Variants in PLCB4 observed in about 807,000 individuals in gnomAD.
PLCB4 encodes the protein 1-phosphatidylinositol 4,5-bisphosphate phosphodiesterase beta-4.
Under a neutral mutation model 178.8 loss-of-function variants are expected in PLCB4, and 77 were observed. That is an observed-to-expected ratio of 0.43 (90% CI 0.36 to 0.52). PLCB4 has a LOEUF of 0.52. PLCB4 is among the 20% of genes least tolerant of loss of function. The probability of loss-of-function intolerance (pLI) is 0.00; values close to 1 mark genes in which losing one functional copy is unlikely to be tolerated. For missense variants in PLCB4, 1,024 were observed against 1,453.4 expected, an observed-to-expected ratio of 0.70 and a Z score of 4.80; for synonymous variants, 496 against 490.8, an observed-to-expected ratio of 1.01 and a Z score of -0.14.
In PLCB4 at chr20:9,211,228, G is replaced by A. The variant is rs1251567961; in HGVS notation, c.-78-6162G>A. On this transcript the variant is annotated intron_variant, in intron 2 of 39. Transcript: ENST00000378473. ...ACTCTGACCCTGACTTCTAAGATGA[G>A]TCCTAACACCGCCTGCATTTTACAG... is the stretch of plus-strand genomic sequence containing the variant. Among the ~76,000 whole-genome samples the A allele has an allele frequency of 2.6e-5, 4 of 152,282 alleles. 1 individual carries two copies. The highest frequency in any genetic ancestry group is 2.4e-5 in the African/African-American group (1 of 41,570).
chr20:9,462,123 G>C (rs1053164054), intron 35 of PLCB4, among the ~76,000 whole-genome samples: 1 of 152,112 alleles, frequency 6.6e-6, no homozygotes, highest in African/African-American at 2.4e-5. Context: ...AGGCAAACAG[G>C]GTCTGGAGTG....
chr20:9,141,115 T>A (rs1036598989), intron 2 of PLCB4, among the ~76,000 whole-genome samples: 2 of 152,146 alleles, frequency 1.3e-5, no homozygotes, highest in East Asian at 3.9e-4. Context: ...AGTGCCTGAT[T>A]AAAAGCCAAC....
chr20:9,376,187 A>T lies in PLCB4; in HGVS notation c.744+3083A>T, dbSNP rs993267537. On this transcript the variant is annotated intron_variant, in intron 12 of 39. Coordinates refer to ENST00000378473, the MANE Select transcript of PLCB4 (RefSeq NM_001377142.1). ...TTCGTTGCTCCCCAAAGTGTGATCC[A>T]TGGACCAGCAGCATCGGCACCCCTT... Among the ~76,000 whole-genome samples the T allele has an allele frequency of 3.9e-5, 6 of 152,168 alleles. No homozygotes were observed. In the East Asian group the frequency reaches 9.7e-4, roughly 25 times the overall value.
chr20:9,461,839 C>A (rs2043417235), intron 35 of PLCB4, among the ~76,000 whole-genome samples: 1 of 152,218 alleles, frequency 6.6e-6, no homozygotes, highest in South Asian at 2.1e-4. Flanking sequence ...CATAGCTGAA[C>A]AAAAGGCAGC....
At chr20:9,372,492 T>C (rs2036338200) in intron 11 of PLCB4, 89 bp downstream of exon 11, 1 of 635,514 alleles carries the variant, frequency 1.6e-6, no homozygotes, top group Admixed American at 2.9e-5. Flanking sequence ...TTTAATAGAG[T>C]ATGTTGGTAG....
At chr20:9,466,289 A>G (rs551212829) in intron 35 of PLCB4, among the ~76,000 whole-genome samples, 18 of 152,352 alleles carry the variant, frequency 1.2e-4, no homozygotes, top group African/African-American at 3.8e-4. Context: ...TTAATTCAAG[A>G]TGGATTAAAG....
intron 2 of PLCB4, among the ~76,000 whole-genome samples, chr20:9,127,151 G>T (rs1232172579): frequency 6.6e-6 from 1 of 152,096 alleles, no homozygotes; most frequent in East Asian, 1.9e-4. Context: ...TAGAAGGGCG[G>T]TGTTAAAGCA....
intron 35 of PLCB4, among the ~76,000 whole-genome samples, chr20:9,465,555 C>T (rs1490164083): frequency 6.6e-6 from 1 of 152,202 alleles, no homozygotes; most frequent in Non-Finnish European, 1.5e-5. Flanking sequence ...AGCCCCAAAT[C>T]TCCTCAAGCT....
Position 9,408,410 on chromosome 20 carries a change from C to A in PLCB4, c.1790-223C>A, listed in dbSNP as rs1602455722. On this transcript the variant is annotated intron_variant, in intron 22 of 39. Transcript: ENST00000378473. ...TTCATTTCTGGGCTAGAGAAGCCAT[C>A]GTAATCATCATTATCATCAAAAATT... 1.7e-5 allele frequency among the ~76,000 whole-genome samples: 2 copies of A among 115,684 alleles called. 1 individual carries two copies. Among genetic ancestry groups the A allele is most frequent in the South Asian group, 5.0e-4 (2 of 3,982 alleles). 75.9% of individuals were successfully genotyped at this position (115,684 alleles called of 152,430 possible).
At chr20:9,219,219 C>T (rs376540020) in intron 3 of PLCB4, among the ~76,000 whole-genome samples, 8 of 152,200 alleles carry the variant, frequency 5.3e-5, no homozygotes, top group African/African-American at 1.9e-4. Context: ...CCTGCAATCC[C>T]AGCACTTTGG....
At chr20:9,099,643 A>G (rs2327131) in intron 2 of PLCB4, among the ~76,000 whole-genome samples, 133,275 of 152,058 alleles carry the variant, frequency 0.88, 58,855 homozygotes, top group East Asian at 1. Context: ...TCCATGCCAC[A>G]AGTAGTACCA....
chr20:9,159,889 A>G (rs2092856708), intron 2 of PLCB4, among the ~76,000 whole-genome samples: 1 of 152,226 alleles, frequency 6.6e-6, no homozygotes. Context: ...TGGATGGTGA[A>G]ATTATTACAA....
At chr20:9,405,954 C>G (rs554996688) in intron 21 of PLCB4, among the ~76,000 whole-genome samples, 1 of 152,088 alleles carries the variant, frequency 6.6e-6, no homozygotes, top group Non-Finnish European at 1.5e-5. Flanking sequence ...GGGGTCCTAT[C>G]CTATTTGAAG....
chr20:9,276,835 G>A (rs1276668872), intron 3 of PLCB4, among the ~76,000 whole-genome samples: 1 of 152,108 alleles, frequency 6.6e-6, no homozygotes, highest in Non-Finnish European at 1.5e-5. Context: ...TCATACTTGG[G>A]AGGCTGAGGT....
intron 2 of PLCB4, among the ~76,000 whole-genome samples, chr20:9,106,586 ACT>A (rs1187953075): frequency 6.6e-6 from 1 of 151,706 alleles, no homozygotes; most frequent in Non-Finnish European, 1.5e-5. Context: ...CATAAAATTA[ACT>A]CTCTCAAAGT....
chr20:9,122,085 A>G (rs2091976397), intron 2 of PLCB4, among the ~76,000 whole-genome samples: 1 of 152,150 alleles, frequency 6.6e-6, no homozygotes, highest in Admixed American at 6.6e-5. Flanking sequence ...AGCTAGTTTA[A>G]TATTTAATGG....
In PLCB4 at chr20:9,204,902, GA is replaced by G. The variant is rs77245904; in HGVS notation, c.-78-12478del. 1.9e-4 allele frequency among the ~76,000 whole-genome samples: 27 copies of G among 144,298 alleles called. No individual in the cohort carries two copies. In the East Asian group the frequency reaches 3.5e-3, roughly 18 times the overall value. 94.7% of individuals were successfully genotyped at this position (144,298 alleles called of 152,430 possible). ...ACGTTGGATTCCAAAGACTCAGAATGAAAAAAAAAACCCGAATTTAAAATTT... is the reference window on the plus strand; with the variant it reads ...ACGTTGGATTCCAAAGACTCAGAATGAAAAAAAAACCCGAATTTAAAATTT... On this transcript the variant is annotated intron_variant, in intron 2 of 39. Coordinates refer to ENST00000378473, the MANE Select transcript of PLCB4 (RefSeq NM_001377142.1).
chr20:9,095,500 A>G (rs943150981), intron 1 of PLCB4, among the ~76,000 whole-genome samples: 1 of 152,218 alleles, frequency 6.6e-6, no homozygotes, highest in African/African-American at 2.4e-5. Flanking sequence ...TTGACCGGAA[A>G]CAGTTTATAG....
At chr20:9,458,181 T>C (rs1023555943) in intron 34 of PLCB4, among the ~76,000 whole-genome samples, 7 of 152,308 alleles carry the variant, frequency 4.6e-5, no homozygotes, top group Middle Eastern at 6.8e-3. Flanking sequence ...CATCTATCTA[T>C]ATGCAGCTGT....
Sources: gnomAD v4.1 joint callset for allele counts (sites outside exome capture counted in the v4.1 genomes callset) on GRCh38, gnomAD v4.1.1 for gene constraint, MANE v1.5 for transcripts, NCBI Gene and HGNC (gene_info 2026-07-23, HGNC 2026-07-21) for gene names.